The following FHOD3 variants were observed in gnomAD, a reference collection of about 807,000 sequenced individuals.
FHOD3 encodes formin homology 2 domain containing 3.
In FHOD3, 90 loss-of-function variants were observed where a neutral mutation model predicts 173.0. The observed-to-expected ratio is 0.52, with a 90% CI of 0.44 to 0.62. The LOEUF (loss-of-function observed/expected upper bound fraction) is 0.62. Ranked by LOEUF, FHOD3 falls within the 20% of genes least tolerant of loss-of-function variation. The pLI is 0.00. For missense variants in FHOD3, 1,945 were observed against 2,034.7 expected, an observed-to-expected ratio of 0.96 and a Z score of 0.85; for synonymous variants, 828 against 823.0, an observed-to-expected ratio of 1.01 and a Z score of -0.10.
chr18:36,695,373 A>T (rs1407664127), intron 17 of FHOD3, among the ~76,000 whole-genome samples: 2 of 151,788 alleles, frequency 1.3e-5, no homozygotes, highest in Admixed American at 6.6e-5. Context: ...AAAAAAGAAT[A>T]TTTGCAAGTG....
At chr18:36,504,904 G>A (rs528568502) in intron 4 of FHOD3, among the ~76,000 whole-genome samples, 6 of 152,174 alleles carry the variant, frequency 3.9e-5, no homozygotes, top group African/African-American at 1.4e-4. Flanking sequence ...TTCCACACTC[G>A]ATCTCATGTG....
At chr18:36,547,479 G>A (rs921512098) in intron 5 of FHOD3, among the ~76,000 whole-genome samples, 3 of 152,026 alleles carry the variant, frequency 2.0e-5, no homozygotes, top group African/African-American at 7.2e-5. Flanking sequence ...CACCATGTTG[G>A]CCAGGCTGGT....
chr18:36,634,031 A>T (rs560689476), intron 10 of FHOD3, among the ~76,000 whole-genome samples: 2 of 152,354 alleles, frequency 1.3e-5, no homozygotes, highest in South Asian at 4.1e-4. Flanking sequence ...ACAGAAACTC[A>T]TAGTTAAAAG....
intron 13 of FHOD3, among the ~76,000 whole-genome samples, chr18:36,656,741 A>AT (rs1434535638): frequency 2.0e-5 from 3 of 151,904 alleles, no homozygotes. Flanking sequence ...CTATATTATC[A>AT]TTTTTCGTGT....
At chr18:36,557,333 T>C (rs573583675) in intron 5 of FHOD3, among the ~76,000 whole-genome samples, 1 of 152,092 alleles carries the variant, frequency 6.6e-6, no homozygotes, top group Non-Finnish European at 1.5e-5. Context: ...AATTTTTTTT[T>C]AAATTTTAAA....
intron 18 of FHOD3, among the ~76,000 whole-genome samples, chr18:36,716,983 A>G (rs2040496219): frequency 6.6e-6 from 1 of 150,380 alleles, no homozygotes; most frequent in South Asian, 2.1e-4. Flanking sequence ...GGAAGACTCT[A>G]GTGGGAAGGC....
At chr18:36,375,511 T>C (rs1343939146) in intron 3 of FHOD3, among the ~76,000 whole-genome samples, 1 of 152,238 alleles carries the variant, frequency 6.6e-6, no homozygotes, top group East Asian at 1.9e-4. Context: ...TTCCTCACCC[T>C]ACATTCTCTT....
rs113257015 is a variant in FHOD3, at chr18:36,436,570, G to A, written c.337+63826G>A. On this transcript the variant is annotated intron_variant, in intron 3 of 28. Coordinates refer to ENST00000590592, the MANE Select transcript of FHOD3 (RefSeq NM_001281740.3). ...TTACGTCCCATGATTTAACTGCAGC[G>A]ATTTGTGACGTAATGATCTTAATAT... 2.6e-3 allele frequency among the ~76,000 whole-genome samples: 394 copies of A among 152,242 alleles called. 2 individuals carry two copies. Among genetic ancestry groups the A allele is most frequent in the African/African-American group, 9.0e-3 (373 of 41,548 alleles).
At chr18:36,450,561 G>A (rs2051788932) in intron 3 of FHOD3, among the ~76,000 whole-genome samples, 1 of 152,100 alleles carries the variant, frequency 6.6e-6, no homozygotes, top group East Asian at 1.9e-4. Context: ...GGAGGCCAAG[G>A]TGGGAGGATT....
intron 13 of FHOD3, among the ~76,000 whole-genome samples, chr18:36,655,053 CT>C (rs56831321): frequency 0.024 from 2,969 of 125,036 alleles, 40 homozygotes; most frequent in East Asian, 0.11. Context: ...TTTTTTCCTT[CT>C]TTTTTTTTTT....
At chr18:36,521,654 G>C (rs1027855694) in intron 5 of FHOD3, among the ~76,000 whole-genome samples, 27 of 152,016 alleles carry the variant, frequency 1.8e-4, no homozygotes, top group African/African-American at 6.0e-4. Flanking sequence ...CTGCCTCATG[G>C]GTCTCTCTGC....
At position 36,530,432 on chromosome 18, in the gene FHOD3, C is replaced by A. The variant is rs1189537414; in HGVS notation, c.511+17889C>A. 5.9e-5 allele frequency among the ~76,000 whole-genome samples: 9 copies of A among 152,286 alleles called. No individual in the cohort carries two copies. In the East Asian group the frequency reaches 1.7e-3, roughly 29 times the overall value. On this transcript the variant is annotated intron_variant, in intron 5 of 28. Coordinates refer to ENST00000590592, the MANE Select transcript of FHOD3 (RefSeq NM_001281740.3). ...GGGCATCATCTATTAAATTGAGTGT[C>A]CCTGCTGCCTAGAACAACACCTTGG...
At chr18:36,621,180 T>C (rs1054569798) in intron 9 of FHOD3, among the ~76,000 whole-genome samples, 2 of 152,230 alleles carry the variant, frequency 1.3e-5, no homozygotes, top group Non-Finnish European at 2.9e-5. Context: ...GTTCTAACTT[T>C]AGATTCTGAA....
At chr18:36,461,067 C>T (rs1160399070) in intron 3 of FHOD3, among the ~76,000 whole-genome samples, 1 of 152,124 alleles carries the variant, frequency 6.6e-6, no homozygotes, top group Non-Finnish European at 1.5e-5. Flanking sequence ...GACTGAATAG[C>T]TCACGGCAGG....
intron 4 of FHOD3, among the ~76,000 whole-genome samples, chr18:36,508,608 T>C (rs2055438069): frequency 6.9e-6 from 1 of 145,156 alleles, no homozygotes; most frequent in Non-Finnish European, 1.5e-5. Context: ...TTTGTATTGA[T>C]GAATTCATAG....
chr18:36,673,291 A>T (rs2037650374), intron 14 of FHOD3, among the ~76,000 whole-genome samples: 1 of 152,192 alleles, frequency 6.6e-6, no homozygotes, highest in Non-Finnish European at 1.5e-5. Context: ...GTTACTGTTT[A>T]TGCATTAAAA....
chr18:36,430,966 A>G (rs1334377988), intron 3 of FHOD3, among the ~76,000 whole-genome samples: 1 of 152,218 alleles, frequency 6.6e-6, no homozygotes, highest in African/African-American at 2.4e-5. Context: ...GGCATACTCA[A>G]TACAACTTCA....
intron 2 of FHOD3, among the ~76,000 whole-genome samples, chr18:36,358,482 G>A (rs776720614): frequency 1.3e-5 from 2 of 152,070 alleles, no homozygotes; most frequent in Non-Finnish European, 2.9e-5. Flanking sequence ...GTTCCCTTCT[G>A]AATCATCACT....
chr18:36,332,329 A>G (rs2045060043), intron 1 of FHOD3, among the ~76,000 whole-genome samples: 1 of 152,192 alleles, frequency 6.6e-6, no homozygotes, highest in Non-Finnish European at 1.5e-5. Flanking sequence ...TGTGGCTCAC[A>G]TAGGGGCTGG....
Sources: allele counts gnomAD v4.1 joint callset (sites outside exome capture counted in the v4.1 genomes callset), GRCh38; gene constraint gnomAD v4.1.1; transcripts MANE v1.5; gene names NCBI Gene and HGNC (gene_info 2026-07-23, HGNC 2026-07-21).